Variants in OXR1 observed in about 807,000 individuals in gnomAD.
The protein encoded by OXR1 is oxidation resistance protein 1.
A neutral mutation model predicts 104.6 loss-of-function variants in OXR1; 41 were observed. That is an observed-to-expected ratio of 0.39 (90% CI 0.31 to 0.51). OXR1 has a LOEUF of 0.51. Ranked by LOEUF, OXR1 falls within the 20% of genes least tolerant of loss-of-function variation. OXR1 has a pLI of 0.77. For synonymous variants in OXR1, 348 were observed against 348.4 expected, an observed-to-expected ratio of 1.00 and a Z score of 0.01; for missense variants, 955 against 1,031.9, an observed-to-expected ratio of 0.93 and a Z score of 1.02.
At chr8:106,606,333 C>G (rs1820390242) in intron 3 of OXR1, among the ~76,000 whole-genome samples, 1 of 143,638 alleles carries the variant, frequency 7.0e-6, no homozygotes. Context: ...CAGAGTCCCA[C>G]TCTGTTGCCC....
Position 106,706,453 on chromosome 8 carries a change from T to TA in OXR1, c.933dup (p.Asp312ArgfsTer9). 6.3e-7 allele frequency: 1 copy of TA among 1,598,026 alleles called. No individual in the cohort carries two copies. Among genetic ancestry groups the TA allele is most frequent in the Non-Finnish European group, 8.5e-7 (1 of 1,175,702 alleles). ...ATGACAGGAAGTAACACTGAGGAAA[T>TA]AGACTCAAGAATCCGAGATGCAGGT... On this transcript the variant is annotated frameshift_variant, in exon 9 of 17. Coordinates refer to ENST00000517566, the MANE Select transcript of OXR1 (RefSeq NM_001198533.2). LOFTEE classifies it high-confidence loss of function.
rs1831249261 is a variant in OXR1, at chr8:106,707,394, A to G, written c.1624+249A>G. ...CATGTTTAAACATTCTTGGCTCACT[A>G]CATCGTATCATTAAACAATTTATTT... On this transcript the variant is annotated intron_variant, in intron 9 of 16. Transcript: ENST00000517566. 5 of 602,054 alleles carry G rather than the reference A, an allele frequency of 8.3e-6. No individual in the cohort carries two copies. In the East Asian group the frequency reaches 1.4e-4, roughly 17 times the overall value. The allele number at this position is 602,054 out of a possible 1,614,324, so 37.3% of individuals were successfully genotyped here.
intron 3 of OXR1, among the ~76,000 whole-genome samples, chr8:106,593,762 C>G (rs765864361): frequency 1.3e-5 from 2 of 152,072 alleles, no homozygotes; most frequent in Non-Finnish European, 2.9e-5. Context: ...GGCGACAGAG[C>G]GAGACTCCAT....
Position 106,663,620 on chromosome 8 carries a change from G to A in OXR1, c.221-15590G>A, listed in dbSNP as rs1825979009. Among the ~76,000 whole-genome samples the A allele has an allele frequency of 2.0e-5, 3 of 152,322 alleles. No homozygotes were observed. The South Asian group carries it at 6.2e-4, about 32-fold the overall frequency. On this transcript the variant is annotated intron_variant, in intron 3 of 16. Transcript: ENST00000517566. Reference sequence around the variant, plus strand: ...CCCAGCCCTGGTCCATGGCCTGTTAGGAACCAGGATGCACAGCGGGAGGTA... The same window carrying A: ...CCCAGCCCTGGTCCATGGCCTGTTAAGAACCAGGATGCACAGCGGGAGGTA...
At chr8:106,359,666 T>A (rs1007731497) in intron 2 of OXR1, 30 bp downstream of exon 2, 5 of 1,477,036 alleles carry the variant, frequency 3.4e-6, no homozygotes, top group Non-Finnish European at 3.7e-6. Context: ...GCCTTAAATG[T>A]AAATGAAAAT....
chr8:106,703,159 TAACTA>T (rs777886554), intron 8 of OXR1, 69 bp downstream of exon 8: 3 of 974,090 alleles, frequency 3.1e-6, no homozygotes, highest in Non-Finnish European at 4.5e-6. Flanking sequence ...TCTAATACCT[TAACTA>T]TTTTTACTAG....
intron 3 of OXR1, among the ~76,000 whole-genome samples, chr8:106,671,873 A>C (rs1827025313): frequency 6.6e-6 from 1 of 151,134 alleles, no homozygotes; most frequent in Non-Finnish European, 1.5e-5. Context: ...ATTGTAAATG[A>C]CGAGTTAATG....
At chr8:106,574,000 C>T (rs1817655572) in intron 3 of OXR1, among the ~76,000 whole-genome samples, 2 of 152,082 alleles carry the variant, frequency 1.3e-5, no homozygotes, top group African/African-American at 4.8e-5. Context: ...GCACTCTGCA[C>T]TCGCAAACTG....
intron 16 of OXR1, among the ~76,000 whole-genome samples, chr8:106,750,404 C>A (rs1187415913): frequency 6.8e-6 from 1 of 147,306 alleles, no homozygotes; most frequent in Non-Finnish European, 1.5e-5. Context: ...TGGCTCATTG[C>A]AACCTCCGCC....
At chr8:106,425,319 C>T (rs934198430) in intron 2 of OXR1, among the ~76,000 whole-genome samples, 1 of 151,946 alleles carries the variant, frequency 6.6e-6, no homozygotes, top group Non-Finnish European at 1.5e-5. Flanking sequence ...CCTCCTTAGC[C>T]TCCCAATGTG....
At chr8:106,673,138 A>T (rs746470927) in intron 3 of OXR1, among the ~76,000 whole-genome samples, 2 of 152,222 alleles carry the variant, frequency 1.3e-5, no homozygotes, top group African/African-American at 2.4e-5. Flanking sequence ...GATGTGGGAA[A>T]GTTTGGAACT....
chr8:106,595,774 G>A (rs1380747838), intron 3 of OXR1, among the ~76,000 whole-genome samples: 1 of 152,014 alleles, frequency 6.6e-6, no homozygotes, highest in Non-Finnish European at 1.5e-5. Context: ...ATTTGTGCCA[G>A]GTAAAACTCC....
chr8:106,478,918 A>G (rs767198862), intron 2 of OXR1, among the ~76,000 whole-genome samples: 6 of 151,862 alleles, frequency 4.0e-5, no homozygotes, highest in Non-Finnish European at 8.8e-5. Context: ...TAAAGTAGGA[A>G]ATTAAATTTA....
intron 3 of OXR1, among the ~76,000 whole-genome samples, chr8:106,655,799 A>C (rs573281041): frequency 6.6e-6 from 1 of 152,282 alleles, no homozygotes; most frequent in African/African-American, 2.4e-5. Context: ...AAAGATTGTA[A>C]GGCATTCAGT....
intron 2 of OXR1, among the ~76,000 whole-genome samples, chr8:106,370,935 T>C (rs1816680263): frequency 6.6e-6 from 1 of 152,222 alleles, no homozygotes; most frequent in Non-Finnish European, 1.5e-5. Context: ...GAAGAGTCCC[T>C]TCTTTTCAGT....
At chr8:106,372,647 A>G (rs963089957) in intron 2 of OXR1, among the ~76,000 whole-genome samples, 5 of 152,232 alleles carry the variant, frequency 3.3e-5, no homozygotes, top group African/African-American at 1.2e-4. Context: ...AAATTATTGA[A>G]AATATTATAT....
chr8:106,592,864 T>C (rs73699598), intron 3 of OXR1, among the ~76,000 whole-genome samples: 1,824 of 152,288 alleles, frequency 0.012, 34 homozygotes, highest in African/African-American at 0.041. Context: ...GGAAAACAGA[T>C]GGTAGGATAA....
At chr8:106,495,840 TATTA>T (rs1277569459) in intron 2 of OXR1, among the ~76,000 whole-genome samples, 2 of 152,316 alleles carry the variant, frequency 1.3e-5, no homozygotes, top group Non-Finnish European at 2.9e-5. Flanking sequence ...TGTGTTTGTT[TATTA>T]ATTCATAAAA....
intron 11 of OXR1, among the ~76,000 whole-genome samples, chr8:106,737,070 TAGA>T (rs1235080846): frequency 6.6e-6 from 1 of 152,156 alleles, no homozygotes; most frequent in Non-Finnish European, 1.5e-5. Flanking sequence ...CACCTGTGCC[TAGA>T]AGAAATTCTT....
Sources: gnomAD v4.1 joint callset for allele counts (sites outside exome capture counted in the v4.1 genomes callset) on GRCh38, gnomAD v4.1.1 for gene constraint, MANE v1.5 for transcripts, NCBI Gene and HGNC (gene_info 2026-07-23, HGNC 2026-07-21) for gene names.